RASGRF1: variants seen among roughly 807,000 people sequenced by gnomAD.
The protein encoded by RASGRF1 is ras-specific guanine nucleotide-releasing factor 1.
Under a neutral mutation model 138.7 loss-of-function variants are expected in RASGRF1, and 40 were observed. The ratio of observed to expected loss-of-function variants is 0.29; its 90% confidence interval spans 0.22 to 0.38. The LOEUF (loss-of-function observed/expected upper bound fraction) is 0.38. RASGRF1 is among the 10% of genes least tolerant of loss of function. The probability of loss-of-function intolerance (pLI) is 1.00; values close to 1 mark genes in which losing one functional copy is unlikely to be tolerated. For missense variants in RASGRF1, 1,108 were observed against 1,650.4 expected (o/e 0.67, Z 5.69); for synonymous variants, 614 against 663.2 (o/e 0.93, Z 1.14).
rs759707025 is a variant in RASGRF1, at chr15:79,090,208, C to A, written c.276+15G>T. On this transcript the variant is annotated intron_variant, in intron 1 of 26. Transcript: ENST00000558480. ...GCCGGGACGCAGGGAGGTCAGGACG[C>A]GACGCTCGCCTCACCTGTTTCTCCA... The A allele has an allele frequency of 1.8e-5, 29 of 1,586,490 alleles. No homozygotes were observed. Among genetic ancestry groups the A allele is most frequent in the Middle Eastern group, 2.1e-4 (1 of 4,850 alleles).
intron 1 of RASGRF1, among the ~76,000 whole-genome samples, chr15:79,087,320 G>C (rs2057994418): frequency 6.6e-6 from 1 of 152,232 alleles, no homozygotes; most frequent in Non-Finnish European, 1.5e-5. Context: ...AACAAGTCCA[G>C]CTTAGTGTGC....
intron 6 of RASGRF1, among the ~76,000 whole-genome samples, chr15:79,033,706 C>A (rs113242923): frequency 0.11 from 16,953 of 148,664 alleles, 1,081 homozygotes; most frequent in Middle Eastern, 0.15. Context: ...TCTCCTGCCT[C>A]AGCCTCCCGA....
At chr15:79,056,725 T>G (rs1010402479) in intron 3 of RASGRF1, among the ~76,000 whole-genome samples, 5 of 152,182 alleles carry the variant, frequency 3.3e-5, no homozygotes, top group African/African-American at 1.2e-4. Flanking sequence ...AGGTTGCAAG[T>G]TGATATTACT....
intron 13 of RASGRF1, chr15:79,012,660 T>C: frequency 7.3e-7 from 1 of 1,364,594 alleles, no homozygotes; most frequent in East Asian, 2.3e-5. Context: ...ATAGGTGATT[T>C]TAATTTTATT....
intron 3 of RASGRF1, among the ~76,000 whole-genome samples, chr15:79,055,511 A>C (rs2057499308): frequency 6.6e-6 from 1 of 151,638 alleles, no homozygotes; most frequent in Admixed American, 6.6e-5. Context: ...GCCCTAATAC[A>C]CTCAATTGGA....
At position 79,004,067 on chromosome 15, in the gene RASGRF1, G is replaced by A; in HGVS notation, c.2184C>T (p.Ser728=). The A allele has an allele frequency of 6.2e-7, 1 of 1,614,158 alleles. No individual in the cohort carries two copies. The highest frequency in any genetic ancestry group is 2.2e-5 in the East Asian group (1 of 44,884). The change falls in exon 15 of 27, where the codon TCC becomes TCT. Residue 728 remains serine, a synonymous_variant. Transcript: ENST00000558480. ...TRKFSSPPPL[S]ITKTSSPSRR... ...GGCTCGGTGACGATGTCTTGGTGAT[G>A]GACAGAGGTGGCGGCGAGGAGAACT...
rs1332118400 is a variant in RASGRF1, at chr15:78,978,218, TTG to T, written c.3494+2400_3494+2401del. ...TTCTTCTTTTTCTTTTTCTTTTCTT[TTG>T]TTTTTTTTTTTTTTTTTTTTTTTTG... On this transcript the variant is annotated intron_variant, in intron 24 of 26. Transcript: ENST00000558480. Among the ~76,000 whole-genome samples the T allele has an allele frequency of 8.5e-3, 543 of 63,868 alleles. 17 individuals carry two copies. The highest frequency in any genetic ancestry group is 0.03 in the African/African-American group (522 of 17,392). 41.9% of individuals were successfully genotyped at this position (63,868 alleles called of 152,430 possible). A position where few individuals can be genotyped will look rare whatever the true frequency, so the allele number is the denominator to read the frequency against.
At chr15:79,049,799 G>A (rs963454985) in intron 3 of RASGRF1, among the ~76,000 whole-genome samples, 13 of 152,138 alleles carry the variant, frequency 8.5e-5, no homozygotes, top group African/African-American at 2.9e-4. Flanking sequence ...CGCTGCACGG[G>A]GGATGGGTAG....
At chr15:79,002,750 T>G (rs921701864) in intron 15 of RASGRF1, among the ~76,000 whole-genome samples, 7 of 152,252 alleles carry the variant, frequency 4.6e-5, no homozygotes, top group African/African-American at 1.7e-4. Context: ...ATTAACTGCA[T>G]GTGCCACGGT....
At chr15:79,075,485 G>T (rs570052915) in intron 1 of RASGRF1, among the ~76,000 whole-genome samples, 1 of 152,214 alleles carries the variant, frequency 6.6e-6, no homozygotes, top group African/African-American at 2.4e-5. Context: ...CCCCAGGTCA[G>T]TCTGGAGCTG....
intron 26 of RASGRF1, among the ~76,000 whole-genome samples, chr15:78,970,654 AAAAG>A (rs1332989126): frequency 4.0e-5 from 6 of 151,224 alleles, no homozygotes; most frequent in African/African-American, 1.2e-4. Context: ...AAGAAAAAGA[AAAAG>A]AAAAGAAAAG....
intron 1 of RASGRF1, among the ~76,000 whole-genome samples, chr15:79,066,453 C>T (rs2009197): frequency 0.12 from 18,411 of 152,304 alleles, 1,162 homozygotes; most frequent in Middle Eastern, 0.14. Context: ...AGAAACAAGG[C>T]ACTCAGCTAC....
At chr15:78,990,649 C>T (rs561236736) in intron 21 of RASGRF1, among the ~76,000 whole-genome samples, 27 of 152,172 alleles carry the variant, frequency 1.8e-4, no homozygotes, top group Non-Finnish European at 2.6e-4. Context: ...GTCACTGCAG[C>T]AGCTGGTCTG....
At chr15:79,026,572 A>G (rs1053573020) in intron 9 of RASGRF1, among the ~76,000 whole-genome samples, 2 of 152,172 alleles carry the variant, frequency 1.3e-5, no homozygotes, top group African/African-American at 4.8e-5. Context: ...CAGGGCAGGT[A>G]TCAGTGCTGG....
intron 1 of RASGRF1, among the ~76,000 whole-genome samples, chr15:79,087,999 A>G (rs2141115635): frequency 6.6e-6 from 1 of 152,364 alleles, no homozygotes; most frequent in South Asian, 2.1e-4. Context: ...AGCTCTGAAC[A>G]TGAGTGCATC....
chr15:79,071,184 C>G (rs2057750108), intron 1 of RASGRF1, among the ~76,000 whole-genome samples: 1 of 152,198 alleles, frequency 6.6e-6, no homozygotes, highest in Non-Finnish European at 1.5e-5. Flanking sequence ...GCAAGGCCAT[C>G]TCCCCTTACT....
chr15:78,979,382 A>G, intron 24 of RASGRF1: 1 of 298,662 alleles, frequency 3.3e-6, no homozygotes, highest in Non-Finnish European at 6.4e-6. Flanking sequence ...CCCCATCCTC[A>G]GGGTCTGGGG....
At chr15:79,065,414 T>G (rs1595957612) in intron 1 of RASGRF1, among the ~76,000 whole-genome samples, 1 of 149,872 alleles carries the variant, frequency 6.7e-6, no homozygotes, top group Admixed American at 6.6e-5. Context: ...AGTGGGCAGG[T>G]GGGCAGGGAC....
intron 8 of RASGRF1, among the ~76,000 whole-genome samples, chr15:79,028,369 C>A (rs2057090626): frequency 1.3e-5 from 2 of 152,166 alleles, no homozygotes; most frequent in Admixed American, 1.3e-4. Context: ...ATAATTGTGT[C>A]CTTAATATCG....
Sources: gnomAD v4.1 joint callset for allele counts (sites outside exome capture counted in the v4.1 genomes callset) on GRCh38, gnomAD v4.1.1 for gene constraint, MANE v1.5 for transcripts, NCBI Gene and HGNC (gene_info 2026-07-23, HGNC 2026-07-21) for gene names.